Variants in ANKDD1A observed in about 807,000 individuals in gnomAD.
The protein encoded by ANKDD1A is ankyrin repeat and death domain containing 1A, also known as ankyrin repeat and death domain-containing protein 1A.
A neutral mutation model predicts 63.5 loss-of-function variants in ANKDD1A; 59 were observed. That is an observed-to-expected ratio of 0.93 (90% confidence interval 0.75 to 1.15). ANKDD1A has a LOEUF of 1.15. Ranked by LOEUF, ANKDD1A falls within the 50% of genes most tolerant of loss-of-function variation. ANKDD1A has a pLI of 0.00. For synonymous variants in ANKDD1A, 266 were observed against 263.9 expected, an observed-to-expected ratio of 1.01 and a Z score of -0.08; for missense variants, 632 against 656.4, an observed-to-expected ratio of 0.96 and a Z score of 0.41.
At chr15:64,935,630 G>A (rs973086185) in intron 9 of ANKDD1A, among the ~76,000 whole-genome samples, 18 of 150,254 alleles carry the variant, frequency 1.2e-4, no homozygotes, top group African/African-American at 3.7e-4. Flanking sequence ...AGCCGAGATC[G>A]CACCACTGCA....
At chr15:64,952,668 T>TCC (rs2085316579) in intron 14 of ANKDD1A, among the ~76,000 whole-genome samples, 4 of 36,150 alleles carry the variant, frequency 1.1e-4, no homozygotes, top group Admixed American at 3.8e-4. Context: ...CTTCCCCTTC[T>TCC]TCCTTCTTCT....
intron 9 of ANKDD1A, among the ~76,000 whole-genome samples, chr15:64,939,612 T>C (rs1318787315): frequency 6.6e-6 from 1 of 152,032 alleles, no homozygotes; most frequent in Non-Finnish European, 1.5e-5. Flanking sequence ...AGACCTTGGC[T>C]CTAAAAAATA....
chr15:64,936,047 T>C (rs533602920), intron 9 of ANKDD1A, among the ~76,000 whole-genome samples: 1 of 152,318 alleles, frequency 6.6e-6, no homozygotes, highest in East Asian at 1.9e-4. Flanking sequence ...TCCTTACCTA[T>C]AAGTACTATT....
chr15:64,937,591 G>A (rs182781253), intron 9 of ANKDD1A, among the ~76,000 whole-genome samples: 1 of 152,144 alleles, frequency 6.6e-6, no homozygotes, highest in Non-Finnish European at 1.5e-5. Flanking sequence ...AGCCAGGTGT[G>A]GTGGCACACG....
At chr15:64,950,801 A>C (rs1196276172) in intron 14 of ANKDD1A, 1 of 1,002,898 alleles carries the variant, frequency 1.0e-6, no homozygotes, top group East Asian at 1.2e-4. Flanking sequence ...CAGGGTAGAG[A>C]GATTAGGGAC....
chr15:64,927,299 G>A (rs944484281), intron 6 of ANKDD1A, among the ~76,000 whole-genome samples: 1 of 152,192 alleles, frequency 6.6e-6, no homozygotes, highest in African/African-American at 2.4e-5. Context: ...CAGGGTGGCA[G>A]ATCTGGGTGG....
At chr15:64,918,099 C>CATGCCTG (rs1002762896) in intron 3 of ANKDD1A, among the ~76,000 whole-genome samples, 1 of 152,244 alleles carries the variant, frequency 6.6e-6, no homozygotes, top group African/African-American at 2.4e-5. Context: ...CGCGATGGCT[C>CATGCCTG]ATGCCTGTAA....
At chr15:64,917,186 C>G (rs1429210961) in intron 2 of ANKDD1A, among the ~76,000 whole-genome samples, 200 bp from the exon 3 acceptor site, 1 of 152,176 alleles carries the variant, frequency 6.6e-6, no homozygotes, top group Admixed American at 6.5e-5. Context: ...TGGGTCCAGT[C>G]ATTTTACTAT....
At chr15:64,952,972 C>T (rs1299136303) in intron 14 of ANKDD1A, among the ~76,000 whole-genome samples, 514 of 12,704 alleles carry the variant, frequency 0.04, 4 homozygotes, top group Non-Finnish European at 0.14. Context: ...TTCTTCTTTT[C>T]TTCTTGTCTC....
At chr15:64,952,955 C>CCTCT (rs2085326428) in intron 14 of ANKDD1A, among the ~76,000 whole-genome samples, 2 of 17,354 alleles carry the variant, frequency 1.2e-4, no homozygotes, top group Non-Finnish European at 3.1e-4. Flanking sequence ...CCTTCTCTTT[C>CCTCT]TTCCTCTTCT....
intron 14 of ANKDD1A, among the ~76,000 whole-genome samples, chr15:64,952,970 T>TGTC (rs1227552669): frequency 7.2e-5 from 1 of 13,938 alleles, no homozygotes; most frequent in Non-Finnish European, 2.9e-4. Context: ...TCTTCTTCTT[T>TGTC]TCTTCTTGTC....
intron 6 of ANKDD1A, among the ~76,000 whole-genome samples, chr15:64,929,808 G>A (rs1461613553): frequency 1.3e-5 from 2 of 152,172 alleles, no homozygotes; most frequent in Non-Finnish European, 2.9e-5. Flanking sequence ...TGGTGCTTAT[G>A]TTCCAGCAAG....
intron 8 of ANKDD1A, chr15:64,932,851 A>G (rs1186645612): frequency 6.6e-6 from 1 of 152,046 alleles, no homozygotes; most frequent in Admixed American, 6.6e-5. Context: ...TGGGAGGCCA[A>G]AGCTGGAATA....
At position 64,942,614 on chromosome 15, in the gene ANKDD1A, C is replaced by A. The variant is rs143974867; in HGVS notation, c.966+49C>A. The A allele has an allele frequency of 5.6e-4, 854 of 1,513,062 alleles. 5 individuals carry two copies. The African/African-American group carries it at 0.01, about 18-fold the overall frequency. 93.7% of individuals were successfully genotyped at this position (1,513,062 alleles called of 1,614,324 possible). A position where few individuals can be genotyped will look rare whatever the true frequency, so the allele number is the denominator to read the frequency against. ...GGGCCCCAGGGAGCTTCTGGAAACC[C>A]TCCCAGGCTGGCAGGCTTGGCTGTG... is the stretch of plus-strand genomic sequence containing the variant. On this transcript the variant is annotated intron_variant, in intron 10 of 14. Transcript: ENST00000319580.
intron 6 of ANKDD1A, among the ~76,000 whole-genome samples, chr15:64,929,182 A>AT (rs937725508): frequency 2.6e-5 from 4 of 151,590 alleles, no homozygotes; most frequent in African/African-American, 7.3e-5. Context: ...GCTGAATTCA[A>AT]TTTTTTTTTG....
chr15:64,956,972 C>A, intron 14 of ANKDD1A, 131 bp from the exon 15 acceptor site: 1 of 368,710 alleles, frequency 2.7e-6, no homozygotes, highest in East Asian at 1.0e-4. Context: ...ATTTAATCAG[C>A]ATTCTTTTGT....
intron 3 of ANKDD1A, among the ~76,000 whole-genome samples, chr15:64,918,294 C>T (rs2084984642): frequency 6.6e-6 from 1 of 152,188 alleles, no homozygotes; most frequent in African/African-American, 2.4e-5. Flanking sequence ...ATAAACTTCC[C>T]TGCAGCGACT....
chr15:64,917,558 C>G, intron 3 of ANKDD1A, 44 bp downstream of exon 3: 1 of 1,536,766 alleles, frequency 6.5e-7, no homozygotes, highest in Non-Finnish European at 8.8e-7. Context: ...GTGGGGGGCA[C>G]TGGAGATCTC....
At chr15:64,951,720 C>CGTTCTTCCTTTCTTTTCTTTTTCTTT (rs1276132353) in intron 14 of ANKDD1A, among the ~76,000 whole-genome samples, 72,324 of 135,954 alleles carry the variant, frequency 0.53, 20,339 homozygotes, top group East Asian at 0.84. Context: ...TCTTTTTCTT[C>CGTTCTTCCTTTCTTTTCTTTTTCTTT]CCTTTTCTTC....
Sources: gnomAD v4.1 joint callset for allele counts (sites outside exome capture counted in the v4.1 genomes callset) on GRCh38, gnomAD v4.1.1 for gene constraint, MANE v1.5 for transcripts, NCBI Gene and HGNC (gene_info 2026-07-23, HGNC 2026-07-21) for gene names.